Variants in NRXN1 observed in about 807,000 individuals in gnomAD.
The protein encoded by NRXN1 is neurexin-1.
NRXN1 carries 39 observed loss-of-function variants against 150.9 expected under a neutral mutation model. The ratio of observed to expected loss-of-function variants is 0.26; its 90% CI spans 0.20 to 0.34. The LOEUF is 0.34. Ranked by LOEUF, NRXN1 falls within the 10% of genes least tolerant of loss-of-function variation. The pLI is 1.00. For synonymous variants in NRXN1, 924 were observed against 757.0 expected (o/e 1.22, Z -3.62); for missense variants, 1,815 against 1,949.9 (o/e 0.93, Z 1.30).
At chr2:50,121,959 G>T (rs181437354) in intron 18 of NRXN1, among the ~76,000 whole-genome samples, 34 of 152,180 alleles carry the variant, frequency 2.2e-4, no homozygotes, top group Admixed American at 1.3e-3. Context: ...ACCTGCAAAG[G>T]CAATTTTCTT....
chr2:50,222,592 C>G (rs576191506), intron 18 of NRXN1, among the ~76,000 whole-genome samples: 2 of 151,690 alleles, frequency 1.3e-5, no homozygotes. Context: ...AAAATGTTAT[C>G]CATTTGTAAT....
chr2:50,791,895 C>T (rs954238408), intron 5 of NRXN1, among the ~76,000 whole-genome samples: 1 of 152,030 alleles, frequency 6.6e-6, no homozygotes, highest in African/African-American at 2.4e-5. Flanking sequence ...CTGAAGTAAA[C>T]CTCTAAAAGC....
intron 18 of NRXN1, among the ~76,000 whole-genome samples, chr2:50,129,610 A>C (rs1705166413): frequency 6.6e-6 from 1 of 152,200 alleles, no homozygotes; most frequent in African/African-American, 2.4e-5. Context: ...TAAAAACAAA[A>C]CTATTAATTT....
chr2:49,956,263 A>C (rs1272785729), intron 21 of NRXN1, among the ~76,000 whole-genome samples: 1 of 152,182 alleles, frequency 6.6e-6, no homozygotes, highest in Non-Finnish European at 1.5e-5. Context: ...AGAGTTTTAC[A>C]AAAACGTTTC....
chr2:50,607,673 C>G lies in NRXN1; in HGVS notation c.1320+12349G>C, dbSNP rs906353307. Reference sequence around the variant, plus strand: ...GAAATGATAATTAACCAAAGTAAACCTGCACACAGTGATTTTCTGCATTTT... The same window carrying G: ...GAAATGATAATTAACCAAAGTAAACGTGCACACAGTGATTTTCTGCATTTT... On this transcript the variant is annotated intron_variant, in intron 8 of 22. Transcript: ENST00000401669. 2.6e-5 allele frequency among the ~76,000 whole-genome samples: 4 copies of G among 151,168 alleles called. No homozygotes were observed. In the East Asian group the frequency reaches 5.8e-4, roughly 22 times the overall value.
chr2:50,068,335 T>A (rs1695683672), intron 19 of NRXN1, among the ~76,000 whole-genome samples: 1 of 152,212 alleles, frequency 6.6e-6, no homozygotes, highest in Non-Finnish European at 1.5e-5. Context: ...AAATAACCAT[T>A]TTTTTCTTTT....
intron 19 of NRXN1, among the ~76,000 whole-genome samples, chr2:50,080,481 A>G (rs886472644): frequency 6.6e-6 from 1 of 152,120 alleles, no homozygotes; most frequent in African/African-American, 2.4e-5. Context: ...TTATATTGAT[A>G]GCAATTTTTA....
intron 2 of NRXN1, among the ~76,000 whole-genome samples, chr2:50,927,646 T>C (rs1040403910): frequency 6.6e-6 from 1 of 152,034 alleles, no homozygotes; most frequent in African/African-American, 2.4e-5. Context: ...AGATATACTT[T>C]TCCTGTATAT....
chr2:50,166,281 G>GTGTGTGTA (rs1170645547), intron 18 of NRXN1, among the ~76,000 whole-genome samples: 2 of 30,240 alleles, frequency 6.6e-5, no homozygotes, highest in African/African-American at 3.2e-4. Context: ...CTCAACGTAT[G>GTGTGTGTA]TGTGTGTGTG....
intron 17 of NRXN1, among the ~76,000 whole-genome samples, chr2:50,247,219 T>C (rs1333677490): frequency 2.0e-5 from 3 of 152,216 alleles, no homozygotes; most frequent in Admixed American, 6.6e-5. Context: ...TAGTTATACC[T>C]GGGTAAGAAA....
rs566429938 is a variant in NRXN1 at position 50,300,799 on chromosome 2, G to A, written c.3365-63829C>T. On this transcript the variant is annotated intron_variant, in intron 17 of 22. Coordinates refer to ENST00000401669, the MANE Select transcript of NRXN1 (RefSeq NM_001330078.2). The stretch of plus-strand genomic sequence containing the variant: ...CAATCTCCGCCTCCCAGGTTCTAGC[G>A]ATTATCCTGCCTCAGCCTCCTGAGT... Among the ~76,000 whole-genome samples the A allele has an allele frequency of 3.3e-5, 5 of 152,234 alleles. No homozygotes were observed. In the South Asian group the frequency reaches 1.0e-3, roughly 32 times the overall value.
At chr2:50,037,111 G>A (rs1690160128) in intron 21 of NRXN1, among the ~76,000 whole-genome samples, 1 of 151,726 alleles carries the variant, frequency 6.6e-6, no homozygotes, top group South Asian at 2.1e-4. Flanking sequence ...TTTTAATCCA[G>A]CTTAAACAGA....
chr2:50,000,783 G>T (rs1429585295), intron 21 of NRXN1, among the ~76,000 whole-genome samples: 4 of 152,122 alleles, frequency 2.6e-5, no homozygotes, highest in African/African-American at 9.7e-5. Context: ...CTGTGAAAAT[G>T]GCTAGGATCA....
intron 5 of NRXN1, among the ~76,000 whole-genome samples, chr2:50,746,750 C>A (rs1466991644): frequency 6.6e-6 from 1 of 152,058 alleles, no homozygotes; most frequent in Non-Finnish European, 1.5e-5. Context: ...GCTCTTAAGG[C>A]TCATAGTTCT....
At chr2:50,687,655 T>C (rs187269696) in intron 5 of NRXN1, among the ~76,000 whole-genome samples, 6 of 152,340 alleles carry the variant, frequency 3.9e-5, no homozygotes, top group East Asian at 3.9e-4. Context: ...ATGACTTTAA[T>C]GTGCAGTTTT....
intron 5 of NRXN1, among the ~76,000 whole-genome samples, chr2:50,886,408 GT>G (rs1559394787): frequency 6.6e-6 from 1 of 151,250 alleles, no homozygotes; most frequent in Non-Finnish European, 1.5e-5. Context: ...TGGCTTGTTT[GT>G]TTTATATAAT....
chr2:50,829,138 A>G (rs1475279253), intron 5 of NRXN1, among the ~76,000 whole-genome samples: 1 of 148,630 alleles, frequency 6.7e-6, no homozygotes, highest in African/African-American at 2.5e-5. Context: ...CTGAGGCAGG[A>G]GACTCAGGCA....
In NRXN1 at chr2:50,355,188, T is replaced by C. The variant is rs554099926; in HGVS notation, c.3364+110254A>G. Among the ~76,000 whole-genome samples, 11 of 151,116 alleles carry C rather than the reference T, an allele frequency of 7.3e-5. No individual in the cohort carries two copies. The East Asian group carries it at 2.1e-3, about 29-fold the overall frequency. On this transcript the variant is annotated intron_variant, in intron 17 of 22. Transcript: ENST00000401669. Reference sequence around the variant, plus strand: ...AATCATGCGATTCAAATTGAGTCTCTATCTGGGATCTATAATCTAATCCCC... The same window carrying C: ...AATCATGCGATTCAAATTGAGTCTCCATCTGGGATCTATAATCTAATCCCC...
chr2:50,002,605 G>A (rs958786419), intron 21 of NRXN1, among the ~76,000 whole-genome samples: 6 of 152,008 alleles, frequency 3.9e-5, no homozygotes, highest in South Asian at 2.1e-4. Flanking sequence ...GTCTTTTAAC[G>A]TCAAAGTTTA....
Sources: gnomAD v4.1 joint callset for allele counts (sites outside exome capture counted in the v4.1 genomes callset) on GRCh38, gnomAD v4.1.1 for gene constraint, MANE v1.5 for transcripts, NCBI Gene and HGNC (gene_info 2026-07-23, HGNC 2026-07-21) for gene names.